The following MMP16 variants were observed in gnomAD, a reference collection of about 807,000 sequenced individuals.
The protein encoded by MMP16 is matrix metalloproteinase-16.
Under a neutral mutation model 67.8 loss-of-function variants are expected in MMP16, and 12 were observed. The observed-to-expected ratio is 0.18, with a 90% CI of 0.11 to 0.29. The LOEUF is 0.29. Ranked by LOEUF, MMP16 falls within the 10% of genes least tolerant of loss-of-function variation. The pLI is 1.00. For missense variants in MMP16, 475 were observed against 765.7 expected (o/e 0.62, Z 4.48); for synonymous variants, 249 against 255.9 (o/e 0.97, Z 0.26).
rs2129776540 is a variant in MMP16, at chr8:88,195,189, G to A, written c.281+1969C>T. On this transcript the variant is annotated intron_variant, in intron 2 of 9. Transcript: ENST00000286614. Reference sequence around the variant, plus strand: ...ACCTCCTCACAAAAACCTTCCTCCAGCCACTTTCAGAAAACAAACATTTCC... The same window carrying A: ...ACCTCCTCACAAAAACCTTCCTCCAACCACTTTCAGAAAACAAACATTTCC... 1.3e-5 allele frequency among the ~76,000 whole-genome samples: 2 copies of A among 152,108 alleles called. 1 individual carries two copies. Among genetic ancestry groups the A allele is most frequent in the East Asian group, 3.9e-4 (2 of 5,168 alleles).
chr8:88,231,449 C>A (rs1181387649), intron 1 of MMP16, among the ~76,000 whole-genome samples: 1 of 152,144 alleles, frequency 6.6e-6, no homozygotes, highest in Non-Finnish European at 1.5e-5. Flanking sequence ...AATCCTTACA[C>A]AGAAAGTTCA....
intron 1 of MMP16, among the ~76,000 whole-genome samples, chr8:88,301,898 G>T (rs1169533007): frequency 6.6e-6 from 1 of 152,048 alleles, no homozygotes; most frequent in East Asian, 1.9e-4. Context: ...TGTTTCACAA[G>T]GTTATTTTTA....
chr8:88,288,695 T>C (rs548057080), intron 1 of MMP16, among the ~76,000 whole-genome samples: 2 of 152,362 alleles, frequency 1.3e-5, no homozygotes, highest in African/African-American at 2.4e-5. Flanking sequence ...CATATATTCC[T>C]ATTGGGAGTA....
intron 1 of MMP16, among the ~76,000 whole-genome samples, chr8:88,236,253 G>A (rs964472266): frequency 1.1e-4 from 17 of 152,160 alleles, no homozygotes; most frequent in African/African-American, 3.9e-4. Context: ...AGTCTGCAGC[G>A]GAATCTAAAT....
At chr8:88,262,886 G>A (rs1035195532) in intron 1 of MMP16, among the ~76,000 whole-genome samples, 17 of 146,092 alleles carry the variant, frequency 1.2e-4, no homozygotes, top group South Asian at 2.2e-4. Context: ...TTAGCCGAGC[G>A]TGGTAGCGGG....
chr8:88,048,631 C>A (rs910006482), intron 8 of MMP16, among the ~76,000 whole-genome samples: 2 of 152,112 alleles, frequency 1.3e-5, no homozygotes, highest in Non-Finnish European at 2.9e-5. Context: ...CCATGTTTGT[C>A]TGATTTCAAA....
At chr8:88,050,109 G>A (rs1057423948) in intron 8 of MMP16, among the ~76,000 whole-genome samples, 1 of 152,196 alleles carries the variant, frequency 6.6e-6, no homozygotes, top group African/African-American at 2.4e-5. Flanking sequence ...ATTACCTGAG[G>A]TGAGGAGTTC....
chr8:88,133,232 G>GA (rs28907611), intron 4 of MMP16, among the ~76,000 whole-genome samples: 3 of 151,316 alleles, frequency 2.0e-5, no homozygotes, highest in African/African-American at 7.3e-5. Context: ...TGATTCTTAA[G>GA]AAAAAAAATA....
intron 9 of MMP16, among the ~76,000 whole-genome samples, chr8:88,043,547 T>C (rs28988871): frequency 0.033 from 4,987 of 152,264 alleles, 124 homozygotes; most frequent in South Asian, 0.073. Context: ...CAAATACTCC[T>C]AGGTTAAACA....
At chr8:88,252,646 CAA>C (rs10715771) in intron 1 of MMP16, among the ~76,000 whole-genome samples, 207 of 128,066 alleles carry the variant, frequency 1.6e-3, no homozygotes, top group East Asian at 2.0e-3. Context: ...CACCTCTTAG[CAA>C]AAAAAAAAAA....
At chr8:88,326,167 C>G (rs968451055) in intron 1 of MMP16, among the ~76,000 whole-genome samples, 4 of 152,166 alleles carry the variant, frequency 2.6e-5, no homozygotes, top group African/African-American at 9.6e-5. Context: ...TTGTATCCCA[C>G]CGTATATGTG....
At chr8:88,101,349 A>G (rs1563531796) in intron 6 of MMP16, among the ~76,000 whole-genome samples, 1 of 151,908 alleles carries the variant, frequency 6.6e-6, no homozygotes, top group South Asian at 2.1e-4. Context: ...CATACTAATT[A>G]TAATGTTACA....
At chr8:88,272,145 C>A (rs926957036) in intron 1 of MMP16, among the ~76,000 whole-genome samples, 1 of 152,076 alleles carries the variant, frequency 6.6e-6, no homozygotes, top group African/African-American at 2.4e-5. Flanking sequence ...TGTACAGGTG[C>A]AGTGGTGTTG....
At chr8:88,285,285 G>A (rs964284912) in intron 1 of MMP16, among the ~76,000 whole-genome samples, 15 of 151,950 alleles carry the variant, frequency 9.9e-5, no homozygotes, top group Admixed American at 4.6e-4. Flanking sequence ...GATTACAGGC[G>A]CCTGCCACCA....
At chr8:88,279,154 G>A (rs149937608) in intron 1 of MMP16, among the ~76,000 whole-genome samples, 134 of 151,734 alleles carry the variant, frequency 8.8e-4, no homozygotes, top group African/African-American at 3.1e-3. Context: ...CCTGGGAAGT[G>A]GAGGTTGCAG....
intron 3 of MMP16, among the ~76,000 whole-genome samples, chr8:88,177,101 C>A (rs574932912): frequency 1.1e-4 from 17 of 152,236 alleles, no homozygotes; most frequent in African/African-American, 3.9e-4. Context: ...GTTTATACAT[C>A]TTTTGTGGAT....
rs576692907 is a variant in MMP16, at chr8:88,168,118, G to A, written c.405-145C>T. ...CGTATTCATTCCTCTTGTCTCTACTGTTAGATTTCACTACACTGCAATCAT... is the reference window on the plus strand; with the variant it reads ...CGTATTCATTCCTCTTGTCTCTACTATTAGATTTCACTACACTGCAATCAT... On this transcript the variant is annotated intron_variant, in intron 3 of 9. Transcript: ENST00000286614. The A allele has an allele frequency of 9.6e-5, 60 of 625,170 alleles. No individual in the cohort carries two copies. In the East Asian group the frequency reaches 1.7e-3, roughly 17 times the overall value. 38.7% of individuals were successfully genotyped at this position (625,170 alleles called of 1,614,324 possible). A position where few individuals can be genotyped will look rare whatever the true frequency, so the allele number is the denominator to read the frequency against.
rs556314543 is a variant in MMP16, at chr8:88,118,996, C to CA, written c.710-136dup. 1.6e-4 allele frequency: 135 copies of CA among 838,546 alleles called. 2 individuals are homozygous for CA. In the Middle Eastern group the frequency reaches 3.7e-3, roughly 23 times the overall value. 51.9% of individuals were successfully genotyped at this position (838,546 alleles called of 1,614,324 possible). A position where few individuals can be genotyped will look rare whatever the true frequency, so the allele number is the denominator to read the frequency against. On this transcript the variant is annotated intron_variant, in intron 4 of 9. Coordinates refer to ENST00000286614, the MANE Select transcript of MMP16 (RefSeq NM_005941.5). Reference sequence around the variant, plus strand: ...TTTCCTTCAACTATTTGTATGGTTTCATCACTGGCTTTCCTACTGGCAAAA... The same window carrying CA: ...TTTCCTTCAACTATTTGTATGGTTTCAATCACTGGCTTTCCTACTGGCAAAA...
chr8:88,300,343 A>G (rs1811078205), intron 1 of MMP16, among the ~76,000 whole-genome samples: 1 of 152,248 alleles, frequency 6.6e-6, no homozygotes, highest in Non-Finnish European at 1.5e-5. Flanking sequence ...AAAGCATTAA[A>G]TGAAAAATTC....
Sources: allele counts gnomAD v4.1 joint callset (sites outside exome capture counted in the v4.1 genomes callset), GRCh38; gene constraint gnomAD v4.1.1; transcripts MANE v1.5; gene names NCBI Gene and HGNC (gene_info 2026-07-23, HGNC 2026-07-21).